The following GPR75 variants were observed in gnomAD, a reference collection of about 807,000 sequenced individuals.
The protein encoded by GPR75 is G protein-coupled receptor 75.
Under a neutral mutation model 26.0 loss-of-function variants are expected in GPR75, and 27 were observed. That is an observed-to-expected ratio of 1.04 (90% CI 0.77 to 1.43). The LOEUF (loss-of-function observed/expected upper bound fraction) is 1.43. Among genes scored for constraint, GPR75 ranks in the 40% most tolerant of loss-of-function variants. The probability of loss-of-function intolerance (pLI) is 0.00; values close to 1 mark genes in which losing one functional copy is unlikely to be tolerated. For missense variants in GPR75, 699 were observed against 662.3 expected, an observed-to-expected ratio of 1.06 and a Z score of -0.61; for synonymous variants, 285 against 256.3, an observed-to-expected ratio of 1.11 and a Z score of -1.07.
At chr2:53,857,718 T>G (rs2104397258) in intron 1 of GPR75, among the ~76,000 whole-genome samples, 1 of 152,200 alleles carries the variant, frequency 6.6e-6, no homozygotes, top group Middle Eastern at 3.4e-3. Context: ...ACAGTTACAT[T>G]TTTTCAACAA....
At chr2:53,858,432 C>CACAT (rs1678289467) in intron 1 of GPR75, among the ~76,000 whole-genome samples, 1 of 151,432 alleles carries the variant, frequency 6.6e-6, no homozygotes, top group African/African-American at 2.4e-5. Flanking sequence ...CACACACACA[C>CACAT]ACACACACAC....
rs1678166488 is a variant in GPR75 at position 53,854,200 on chromosome 2, G to A, written c.557C>T (p.Ser186Phe). The stretch of plus-strand genomic sequence containing the variant: ...ACTGGACATGGGAAGACAGAGGTGG[G>A]ACTTGCTGGTTTTCAAGGTAGCCAA... ...ATLATLKTSK[S>F]HLCLPMSSLI... Residue 186 changes from serine (S) to phenylalanine (F), a missense_variant, in exon 2 of 2, where the codon TCC becomes TTC. By Grantham distance (155) the Ser-to-Phe change is radical. Transcript: ENST00000394705. 1.2e-6 allele frequency: 2 copies of A among 1,614,002 alleles called. No individual in the cohort carries two copies. The highest frequency in any genetic ancestry group is 1.3e-5 in the African/African-American group (1 of 74,914).
chr2:53,853,984 T>G lies in GPR75; in HGVS notation c.773A>C (p.Gln258Pro). ...RPQPFMGVPV[Q>P]GGGDPIQCAM... The stretch of plus-strand genomic sequence containing the variant: ...ACACTGGATGGGATCTCCACCTCCC[T>G]GCACAGGGACCCCCATGAAAGGCTG... Residue 258 changes from glutamine (Q) to proline (P), a missense_variant, in exon 2 of 2, where the codon CAG (glutamine) becomes CCG (proline). Physicochemically the swap from Gln to Pro is moderately conservative, Grantham distance 76. Coordinates refer to ENST00000394705, the MANE Select transcript of GPR75 (RefSeq NM_006794.4). The G allele has an allele frequency of 6.2e-7, 1 of 1,614,130 alleles. No homozygotes were observed. Among genetic ancestry groups the G allele is most frequent in the East Asian group, 2.2e-5 (1 of 44,880 alleles).
intron 1 of GPR75, among the ~76,000 whole-genome samples, chr2:53,858,139 T>C (rs1678279347): frequency 6.6e-6 from 1 of 152,114 alleles, no homozygotes; most frequent in South Asian, 2.1e-4. Context: ...ATCTAAGCAG[T>C]TGCTCTTCCA....
intron 1 of GPR75, among the ~76,000 whole-genome samples, chr2:53,856,966 T>TTTTTTTTTA: frequency 7.8e-6 from 1 of 127,810 alleles, no homozygotes; most frequent in East Asian, 2.7e-4. Context: ...TTTTTTTTTT[T>TTTTTTTTTA]TTTTTTTTGA....
In GPR75 at chr2:53,852,936, C is replaced by A; in HGVS notation, c.*198G>T. 1.9e-6 allele frequency: 1 copy of A among 536,874 alleles called. No individual in the cohort carries two copies. Among genetic ancestry groups the A allele is most frequent in the Non-Finnish European group, 3.3e-6 (1 of 305,974 alleles). The allele number at this position is 536,874 out of a possible 1,614,324, so 33.3% of individuals were successfully genotyped here. A position where few individuals can be genotyped will look rare whatever the true frequency, so the allele number is the denominator to read the frequency against. ...AGCAGGGTAAAAAATCTAAAACTTT[C>A]ACATCAAATCTTAAGATGTCAACAA... On this transcript the variant is annotated 3_prime_UTR_variant, in exon 2 of 2. Coordinates refer to ENST00000394705, the MANE Select transcript of GPR75 (RefSeq NM_006794.4).
chr2:53,854,061 G>A lies in GPR75; in HGVS notation c.696C>T (p.Asn232=), dbSNP rs148081038. 654 of 1,614,192 alleles carry A rather than the reference G, an allele frequency of 4.1e-4. 2 individuals are homozygous for A. In the African/African-American group the frequency reaches 7.7e-3, roughly 19 times the overall value. The change falls in exon 2 of 2, where the codon AAC becomes AAT. Residue 232 remains asparagine, a synonymous_variant. Coordinates refer to ENST00000394705, the MANE Select transcript of GPR75 (RefSeq NM_006794.4). ...YIMIAQTLRK[N]AQVRKCPPVI... ...CAGGGGGGCACTTTCTGACTTGAGC[G>A]TTCTTCCGCAGGGTCTGAGCAATCA...
intron 1 of GPR75, among the ~76,000 whole-genome samples, chr2:53,855,133 T>TG (rs1678194930): frequency 6.8e-6 from 1 of 146,912 alleles, no homozygotes; most frequent in Admixed American, 6.8e-5. Flanking sequence ...CTCTCTCTCT[T>TG]TTTTTTTTTT....
In GPR75 at chr2:53,853,759, C is replaced by A. The variant is rs775712864; in HGVS notation, c.998G>T (p.Cys333Phe). The change falls in exon 2 of 2, where the codon TGC becomes TTC. Residue 333 changes from cysteine (C) to phenylalanine (F), a missense_variant. Coordinates refer to ENST00000394705, the MANE Select transcript of GPR75 (RefSeq NM_006794.4). ...CAAGGAAATCCCCAGTGGAAGACAG[C>A]ACACCAGGACTGACAGCACAATGAT... is the stretch of plus-strand genomic sequence containing the variant. ...CVIIVLSVLVCCLPLGISLVQ... is the reference protein window; with the variant it reads ...CVIIVLSVLVFCLPLGISLVQ... 3 of 1,614,038 alleles carry A rather than the reference C, an allele frequency of 1.9e-6. No individual in the cohort carries two copies. In the African/African-American group the frequency reaches 4.0e-5, roughly 22 times the overall value.
rs1678139970 is a variant in GPR75, at chr2:53,853,370, C to T, written c.1387G>A (p.Gly463Arg). 1.9e-6 allele frequency: 3 copies of T among 1,613,958 alleles called. No individual in the cohort carries two copies. Among genetic ancestry groups the T allele is most frequent in the South Asian group, 2.2e-5 (2 of 91,082 alleles). Reference protein sequence around the residue: ...ESMVSPKISAGHQHCGQSSST... With the variant: ...ESMVSPKISARHQHCGQSSST... Reference sequence around the variant, plus strand: ...CTGCTCTGACCACAGTGTTGATGTCCAGCAGAGATCTTGGGACTCACCATA... The same window carrying T: ...CTGCTCTGACCACAGTGTTGATGTCTAGCAGAGATCTTGGGACTCACCATA... Residue 463 changes from glycine (G) to arginine (R), a missense_variant, in exon 2 of 2, where the codon GGA (glycine) becomes AGA (arginine). Coordinates refer to ENST00000394705, the MANE Select transcript of GPR75 (RefSeq NM_006794.4).
At chr2:53,857,064 C>A (rs982219609) in intron 1 of GPR75, among the ~76,000 whole-genome samples, 2 of 143,072 alleles carry the variant, frequency 1.4e-5, no homozygotes, top group Non-Finnish European at 3.0e-5. Context: ...CCCGGGTTCA[C>A]GCCATTCTCC....
At chr2:53,857,672 A>G (rs1678268075) in intron 1 of GPR75, among the ~76,000 whole-genome samples, 1 of 152,140 alleles carries the variant, frequency 6.6e-6, no homozygotes, top group African/African-American at 2.4e-5. Flanking sequence ...AAAAAAGGTG[A>G]TTTGGGGTAG....
Position 53,859,808 on chromosome 2 carries a change from A to AG in GPR75, c.-110+19dup. On this transcript the variant is annotated intron_variant, in intron 1 of 1. Coordinates refer to ENST00000394705, the MANE Select transcript of GPR75 (RefSeq NM_006794.4). ...CGGCATCGTGGGGTTGTCCTCCTCC[A>AG]GGGGCCCGCGGCCTCTCACCTGCCG... The AG allele has an allele frequency of 6.6e-7, 1 of 1,520,246 alleles. No homozygotes were observed. The highest frequency in any genetic ancestry group is 8.8e-7 in the Non-Finnish European group (1 of 1,135,184). 94.2% of individuals were successfully genotyped at this position (1,520,246 alleles called of 1,614,324 possible).
chr2:53,852,950 A>C lies in GPR75; in HGVS notation c.*184T>G. 1 of 553,242 alleles carries C rather than the reference A, an allele frequency of 1.8e-6. No homozygotes were observed. The highest frequency in any genetic ancestry group is 2.8e-5 in the East Asian group (1 of 35,338). The allele number at this position is 553,242 out of a possible 1,614,324, so 34.3% of individuals were successfully genotyped here. ...TCTAAAACTTTCACATCAAATCTTA[A>C]GATGTCAACAAACTACAAAGCAAAT... On this transcript the variant is annotated 3_prime_UTR_variant, in exon 2 of 2. Coordinates refer to ENST00000394705, the MANE Select transcript of GPR75 (RefSeq NM_006794.4).
intron 1 of GPR75, among the ~76,000 whole-genome samples, chr2:53,859,465 AC>A (rs1208638423): frequency 2.6e-5 from 4 of 151,142 alleles, no homozygotes; most frequent in Non-Finnish European, 5.9e-5. Flanking sequence ...GGGAAGGTCG[AC>A]CCCCCCGTGA....
Position 53,854,290 on chromosome 2 carries a change from G to T in GPR75, c.467C>A (p.Ala156Asp), listed in dbSNP as rs1245269195. 2 of 1,614,064 alleles carry T rather than the reference G, an allele frequency of 1.2e-6. No homozygotes were observed. Among genetic ancestry groups the T allele is most frequent in the Admixed American group, 1.7e-5 (1 of 60,008 alleles). Residue 156 changes from alanine to aspartate, a missense_variant, in exon 2 of 2, where the codon GCC (alanine) becomes GAC (aspartate). By Grantham distance (126) the Ala-to-Asp change is moderately radical (BLOSUM62 -2). Transcript: ENST00000394705. Reference sequence around the variant, plus strand: ...GAGGAGTACGGTGCAGGGAAAGGAGGCCGTGCGATTAGGCTGTTTCCCCAA... The same window carrying T: ...GAGGAGTACGGTGCAGGGAAAGGAGTCCGTGCGATTAGGCTGTTTCCCCAA... ...MVLGKQPNRT[A>D]SFPCTVLLTL...
intron 1 of GPR75, among the ~76,000 whole-genome samples, chr2:53,856,966 T>TTTC (rs1678244780): frequency 7.8e-6 from 1 of 127,766 alleles, no homozygotes; most frequent in Non-Finnish European, 1.6e-5. Flanking sequence ...TTTTTTTTTT[T>TTTC]TTTTTTTTGA....
chr2:53,854,530 C>G lies in GPR75; in HGVS notation c.227G>C (p.Arg76Thr), dbSNP rs1678175889. The change falls in exon 2 of 2, where the codon AGA becomes ACA. Residue 76 changes from arginine to threonine, a missense_variant. Coordinates refer to ENST00000394705, the MANE Select transcript of GPR75 (RefSeq NM_006794.4). ...CAGGATCATGAAATCAAAGTTGGTT[C>G]TGAATTTCCTGAAGGCTGGATCGAA... ...SFFDPAFRKF[R>T]TNFDFMILNL... The G allele has an allele frequency of 6.2e-7, 1 of 1,613,968 alleles. No individual in the cohort carries two copies. Among genetic ancestry groups the G allele is most frequent in the Admixed American group, 1.7e-5 (1 of 59,988 alleles).
In GPR75 at chr2:53,857,092, T is replaced by C. The variant is rs540375687; in HGVS notation, c.-109-2227A>G. Reference sequence around the variant, plus strand: ...CATTCTCCTGCCTCAGCCTCCCGAGTAGCTGGGACTACAGGCGCCCGCCAC... The same window carrying C: ...CATTCTCCTGCCTCAGCCTCCCGAGCAGCTGGGACTACAGGCGCCCGCCAC... On this transcript the variant is annotated intron_variant, in intron 1 of 1. Coordinates refer to ENST00000394705, the MANE Select transcript of GPR75 (RefSeq NM_006794.4). 4.0e-5 allele frequency among the ~76,000 whole-genome samples: 6 copies of C among 149,558 alleles called. No individual in the cohort carries two copies. In the East Asian group the frequency reaches 1.2e-3, roughly 29 times the overall value.
Sources: allele counts gnomAD v4.1 joint callset (sites outside exome capture counted in the v4.1 genomes callset), GRCh38; gene constraint gnomAD v4.1.1; transcripts MANE v1.5; gene names NCBI Gene and HGNC (gene_info 2026-07-23, HGNC 2026-07-21).